Variants in COL9A3 observed in about 807,000 individuals in gnomAD.
COL9A3 encodes the protein collagen alpha-3(IX) chain.
In COL9A3, 82 loss-of-function variants were observed where a neutral mutation model predicts 110.2. The ratio of observed to expected loss-of-function variants is 0.74; its 90% CI spans 0.62 to 0.89. COL9A3 has a LOEUF of 0.89. Ranked by LOEUF, COL9A3 falls within the 40% of genes least tolerant of loss-of-function variation. COL9A3 has a pLI of 0.00. For synonymous variants in COL9A3, 494 were observed against 403.8 expected (o/e 1.22, Z -2.68); for missense variants, 1,066 against 981.3 (o/e 1.09, Z -1.15).
In COL9A3 at chr20:62,837,188, C is replaced by T. The variant is rs772379246; in HGVS notation, c.1709C>T (p.Ser570Phe). The T allele has an allele frequency of 3.7e-6, 6 of 1,612,684 alleles. No homozygotes were observed. Among genetic ancestry groups the T allele is most frequent in the Non-Finnish European group, 5.1e-6 (6 of 1,179,736 alleles). ...GPPGPPGPPG[S>F]IGHPGARGPP... ...CCTGGGCCCCCAGGACCCCCAGGCT[C>T]CATTGGTCACCCTGGCGCTCGAGGA... is the stretch of plus-strand genomic sequence containing the variant. The change falls in exon 30 of 32, where the codon TCC becomes TTC. Residue 570 changes from serine (S) to phenylalanine (F), a missense_variant. Ser to Phe is a radical substitution (Grantham distance 155). Transcript: ENST00000649368.
rs73598379 is a variant in COL9A3, at chr20:62,830,546, C to A, written c.1245C>A (p.Gly415=). Residue 415 remains glycine (G), a synonymous_variant, in exon 24 of 32, where the codon GGC becomes GGA. Coordinates refer to ENST00000649368, the MANE Select transcript of COL9A3 (RefSeq NM_001853.4). ...AGAAGGGCAGCATGGGAGACCCCGGCCTTCCAGGCCCCCAGGGCCTCCGAG... is the reference window on the plus strand; with the variant it reads ...AGAAGGGCAGCATGGGAGACCCCGGACTTCCAGGCCCCCAGGGCCTCCGAG... ...QGQKGSMGDP[G]LPGPQGLRGD... The A allele has an allele frequency of 3.4e-4, 540 of 1,608,026 alleles. 7 individuals are homozygous for A. The East Asian group carries it at 0.011, about 34-fold the overall frequency.
rs373672177 is a variant in COL9A3 at position 62,841,150 on chromosome 20, C to A, written c.*418C>A. 1 of 209,746 alleles carries A rather than the reference C, an allele frequency of 4.8e-6. No individual in the cohort carries two copies. The highest frequency in any genetic ancestry group is 9.8e-6 in the Non-Finnish European group (1 of 102,026). The allele number at this position is 209,746 out of a possible 1,614,324, so 13.0% of individuals were successfully genotyped here. A position where few individuals can be genotyped will look rare whatever the true frequency, so the allele number is the denominator to read the frequency against. ...TAAAGAATTTAATGTACAGTAAATTCTCTCCCATACAAAGGTCTAGTCTGA... is the reference window on the plus strand; with the variant it reads ...TAAAGAATTTAATGTACAGTAAATTATCTCCCATACAAAGGTCTAGTCTGA... On this transcript the variant is annotated 3_prime_UTR_variant, in exon 32 of 32. Transcript: ENST00000649368.
At chr20:62,816,838 C>T (rs769133283), upstream of COL9A3, among the ~76,000 whole-genome samples, 17 of 152,148 alleles carry the variant, frequency 1.1e-4, no homozygotes, top group Non-Finnish European at 2.2e-4. Flanking sequence ...TTTTAACTCG[C>T]GGCCGGAGAG....
At position 62,838,727 on chromosome 20, in the gene COL9A3, G is replaced by A. The variant is rs1477812674; in HGVS notation, c.1830G>A (p.Gly610=). Residue 610 remains glycine, a synonymous_variant, in exon 31 of 32, where the codon GGG becomes GGA. Coordinates refer to ENST00000649368, the MANE Select transcript of COL9A3 (RefSeq NM_001853.4). ...GAGACAAAGGCGCGGCAGGAGCAGG[G>A]CTGGACGGGCCTGAAGGAGACCAGG... ...DRGDKGAAGA[G]LDGPEGDQGP... The A allele has an allele frequency of 1.3e-6, 2 of 1,552,470 alleles. No homozygotes were observed. The highest frequency in any genetic ancestry group is 8.7e-7 in the Non-Finnish European group (1 of 1,147,380).
chr20:62,829,339 C>T, intron 19 of COL9A3, 116 bp from the exon 20 acceptor site: 5 of 1,399,426 alleles, frequency 3.6e-6, no homozygotes, highest in East Asian at 2.4e-5. Flanking sequence ...GAAGTTGGCC[C>T]TGCCTTTGGG....
intron 25 of COL9A3, chr20:62,832,731 A>C: frequency 2.7e-6 from 1 of 365,332 alleles, no homozygotes; most frequent in Non-Finnish European, 5.2e-6. Context: ...AGGCCTTTCC[A>C]TACCGCTGGA....
chr20:62,837,717 G>A (rs1260983076), intron 30 of COL9A3, among the ~76,000 whole-genome samples: 3 of 152,180 alleles, frequency 2.0e-5, no homozygotes, highest in Admixed American at 6.5e-5. Context: ...TGAGGCAGGA[G>A]AATCTCTTGA....
intron 3 of COL9A3, 41 bp from the exon 4 acceptor site, chr20:62,819,181 C>G: frequency 6.3e-7 from 1 of 1,594,920 alleles, no homozygotes; most frequent in Non-Finnish European, 8.6e-7. Flanking sequence ...GGCTCCAGGC[C>G]AGACCCCGCC....
chr20:62,840,042 C>T (rs1292043136), intron 31 of COL9A3, among the ~76,000 whole-genome samples: 2 of 151,930 alleles, frequency 1.3e-5, no homozygotes, highest in African/African-American at 2.4e-5. Context: ...GCCTCCCGGC[C>T]GCACCATGCC....
At chr20:62,837,855 G>T (rs1003465580) in intron 30 of COL9A3, among the ~76,000 whole-genome samples, 5 of 152,110 alleles carry the variant, frequency 3.3e-5, no homozygotes, top group Non-Finnish European at 7.4e-5. Flanking sequence ...GGTGGCTCAT[G>T]CCTGTAATCC....
chr20:62,836,013 C>A, intron 27 of COL9A3, 60 bp downstream of exon 27: 1 of 1,612,250 alleles, frequency 6.2e-7, no homozygotes, highest in Non-Finnish European at 8.5e-7. Context: ...GCTTCCTGCC[C>A]ACCTCTGGGC....
chr20:62,827,380 C>A, intron 16 of COL9A3, 86 bp downstream of exon 16: 1 of 1,428,628 alleles, frequency 7.0e-7, no homozygotes, highest in Non-Finnish European at 9.7e-7. Context: ...GGGGGACACA[C>A]TTGGGAGTGA....
chr20:62,825,232 A>G (rs2063543327), intron 12 of COL9A3, among the ~76,000 whole-genome samples: 1 of 151,686 alleles, frequency 6.6e-6, no homozygotes, highest in Non-Finnish European at 1.5e-5. Flanking sequence ...GTGCACCTGC[A>G]CTGGCACCTT....
At chr20:62,823,330 T>C (rs1170357582) in intron 10 of COL9A3, among the ~76,000 whole-genome samples, 2 of 152,192 alleles carry the variant, frequency 1.3e-5, no homozygotes, top group African/African-American at 4.8e-5. Context: ...AGCTCAAGCC[T>C]GTCTCAAAAA....
At position 62,828,767 on chromosome 20, in the gene COL9A3, A is replaced by G. The variant is rs747551645; in HGVS notation, c.904A>G (p.Met302Val). Residue 302 changes from methionine to valine, a missense_variant, in exon 18 of 32, where the codon ATG becomes GTG. Physicochemically the swap from Met to Val is conservative, Grantham distance 21. Coordinates refer to ENST00000649368, the MANE Select transcript of COL9A3 (RefSeq NM_001853.4). ...GVAGPSGEPG[M>V]PGKDGQNGVP... ...CTTACTCATCCCTTGTCCCCAGGGC[A>G]TGCCGGGCAAGGACGGCCAGAATGG... 1.1e-5 allele frequency: 17 copies of G among 1,612,804 alleles called. No individual in the cohort carries two copies. The Admixed American group carries it at 1.2e-4, about 11-fold the overall frequency.
Position 62,828,948 on chromosome 20 carries a change from C to T in COL9A3, c.980C>T (p.Pro327Leu), listed in dbSNP as rs200272338. ...QKGEAGRNGA[P>L]GEKGPNGLPG... ...GGAGAGGCTGGTCGCAACGGTGCTC[C>T]GGGAGAGAAGGGCCCCAACGGGCTG... Residue 327 changes from proline (P) to leucine (L), a missense_variant, in exon 19 of 32, where the codon CCG (proline) becomes CTG (leucine). Pro to Leu is a moderately conservative substitution (Grantham distance 98, BLOSUM62 -3). Transcript: ENST00000649368. The T allele has an allele frequency of 2.7e-5, 44 of 1,610,872 alleles. No individual in the cohort carries two copies. Among genetic ancestry groups the T allele is most frequent in the Admixed American group, 2.5e-4 (15 of 59,960 alleles).
intron 26 of COL9A3, among the ~76,000 whole-genome samples, chr20:62,835,648 T>C (rs2063629327): frequency 6.6e-6 from 1 of 152,218 alleles, no homozygotes; most frequent in East Asian, 1.9e-4. Context: ...GAAAAAGGAA[T>C]GGAAGCAAAG....
chr20:62,828,731 G>T, intron 17 of COL9A3, 33 bp from the exon 18 acceptor site: 1 of 1,611,784 alleles, frequency 6.2e-7, no homozygotes, highest in Non-Finnish European at 8.5e-7. Flanking sequence ...GGGGGCCACT[G>T]CCCGACGGGC....
Position 62,840,528 on chromosome 20 carries a change from T to C in COL9A3, c.1865-14T>C. On this transcript the variant is annotated splice_polypyrimidine_tract_variant and intron_variant, in intron 31 of 31. Coordinates refer to ENST00000649368, the MANE Select transcript of COL9A3 (RefSeq NM_001853.4). ...CGGGCTGCAGCTGAACTCACCTTTCTGCTCTGTCCCAAGGACCCCAAGGCG... is the reference window on the plus strand; with the variant it reads ...CGGGCTGCAGCTGAACTCACCTTTCCGCTCTGTCCCAAGGACCCCAAGGCG... 8 of 1,610,238 alleles carry C rather than the reference T, an allele frequency of 5.0e-6. No homozygotes were observed. Among genetic ancestry groups the C allele is most frequent in the Non-Finnish European group, 6.8e-6 (8 of 1,178,814 alleles).
Sources: allele counts gnomAD v4.1 joint callset (sites outside exome capture counted in the v4.1 genomes callset), GRCh38; gene constraint gnomAD v4.1.1; transcripts MANE v1.5; gene names NCBI Gene and HGNC (gene_info 2026-07-23, HGNC 2026-07-21).